The following EDIL3 variants were observed in gnomAD, a reference collection of about 807,000 sequenced individuals.
The protein encoded by EDIL3 is EGF like and discoidin domains 3.
EDIL3 carries 37 observed loss-of-function variants against 67.4 expected under a neutral mutation model. The observed-to-expected ratio is 0.55, with a 90% CI of 0.42 to 0.72. The LOEUF is 0.72. Among genes scored for constraint, EDIL3 ranks in the 30% least tolerant of loss-of-function variants. The pLI is 0.00. For synonymous variants in EDIL3, 195 were observed against 196.3 expected (o/e 0.99, Z 0.05); for missense variants, 527 against 586.3 (o/e 0.90, Z 1.04).
chr5:84,374,968 CT>C (rs58157149), intron 1 of EDIL3, among the ~76,000 whole-genome samples: 377 of 141,662 alleles, frequency 2.7e-3, no homozygotes, highest in African/African-American at 5.1e-3. Flanking sequence ...TCGGGTATTT[CT>C]TTTTTTTTTT....
intron 3 of EDIL3, among the ~76,000 whole-genome samples, chr5:84,217,606 C>T (rs1378553685): frequency 6.6e-6 from 1 of 151,916 alleles, no homozygotes; most frequent in Non-Finnish European, 1.5e-5. Flanking sequence ...CACAGAAATC[C>T]TCCCTGAATT....
At chr5:84,287,864 C>T (rs1745840097) in intron 1 of EDIL3, among the ~76,000 whole-genome samples, 1 of 152,014 alleles carries the variant, frequency 6.6e-6, no homozygotes. Flanking sequence ...CTCTCTAACT[C>T]TTAATTTTAG....
At chr5:84,328,980 T>C (rs2112163570) in intron 1 of EDIL3, among the ~76,000 whole-genome samples, 3 of 152,208 alleles carry the variant, frequency 2.0e-5, no homozygotes, top group Admixed American at 2.0e-4. Context: ...TTACCAAGGC[T>C]GAAAAGCAGC....
chr5:84,309,668 T>G (rs1746346146), intron 1 of EDIL3, among the ~76,000 whole-genome samples: 1 of 152,176 alleles, frequency 6.6e-6, no homozygotes, highest in African/African-American at 2.4e-5. Flanking sequence ...ACAAAGGACA[T>G]GAACTCATCA....
At chr5:84,175,210 C>T (rs1748881909) in intron 4 of EDIL3, among the ~76,000 whole-genome samples, 1 of 151,982 alleles carries the variant, frequency 6.6e-6, no homozygotes. Context: ...CAATCCAACA[C>T]AACAAAAAGC....
intron 8 of EDIL3, among the ~76,000 whole-genome samples, chr5:84,060,867 T>C (rs1191280521): frequency 6.6e-6 from 1 of 152,190 alleles, no homozygotes; most frequent in Admixed American, 6.5e-5. Flanking sequence ...AAATGGGACA[T>C]TTTCTCACAA....
At chr5:84,306,717 G>C (rs1428697454) in intron 1 of EDIL3, among the ~76,000 whole-genome samples, 1 of 152,154 alleles carries the variant, frequency 6.6e-6, no homozygotes, top group African/African-American at 2.4e-5. Context: ...AAAACTTTTA[G>C]AGTTGTAAAG....
intron 6 of EDIL3, among the ~76,000 whole-genome samples, chr5:84,082,176 C>T (rs1343324154): frequency 6.6e-6 from 1 of 152,146 alleles, no homozygotes; most frequent in Non-Finnish European, 1.5e-5. Flanking sequence ...GAACAGTTTC[C>T]AAGTTTTGCT....
At chr5:84,035,185 C>G (rs1042124784) in intron 9 of EDIL3, among the ~76,000 whole-genome samples, 3 of 151,830 alleles carry the variant, frequency 2.0e-5, no homozygotes, top group African/African-American at 7.3e-5. Context: ...ATGAATAAAG[C>G]TTTTTATTCT....
chr5:84,196,487 G>A (rs1277950280), intron 3 of EDIL3, among the ~76,000 whole-genome samples: 1 of 151,992 alleles, frequency 6.6e-6, no homozygotes, highest in Non-Finnish European at 1.5e-5. Context: ...AACATAGCAT[G>A]TAATTTATTT....
rs930270113 is a variant in EDIL3, at chr5:84,033,693, G to A, written c.1137+26607C>T. 1.1e-3 allele frequency among the ~76,000 whole-genome samples: 124 copies of A among 111,450 alleles called. 1 individual carries two copies. Among genetic ancestry groups the A allele is most frequent in the African/African-American group, 4.3e-3 (118 of 27,744 alleles). 73.1% of individuals were successfully genotyped at this position (111,450 alleles called of 152,430 possible). The stretch of plus-strand genomic sequence containing the variant: ...TACTCCAACCTGGGCGACAGAGCCA[G>A]ACATTGTCTCTAAAAAAAAAAAAAA... On this transcript the variant is annotated intron_variant, in intron 9 of 10. Transcript: ENST00000296591.
chr5:84,319,159 G>A (rs1038840402), intron 1 of EDIL3, among the ~76,000 whole-genome samples: 1 of 150,212 alleles, frequency 6.7e-6, no homozygotes, highest in African/African-American at 2.5e-5. Flanking sequence ...AACAACAGAT[G>A]CTGCAGAGGA....
At chr5:84,333,937 A>G (rs1668176114) in intron 1 of EDIL3, among the ~76,000 whole-genome samples, 2 of 152,140 alleles carry the variant, frequency 1.3e-5, no homozygotes, top group African/African-American at 4.8e-5. Context: ...AAAAAGTGCA[A>G]TAATTGTACA....
intron 10 of EDIL3, among the ~76,000 whole-genome samples, chr5:83,950,964 A>G (rs901594591): frequency 6.6e-6 from 1 of 151,730 alleles, no homozygotes; most frequent in African/African-American, 2.4e-5. Context: ...TATTAATTTT[A>G]TCTATGTTCT....
At chr5:84,370,750 A>G (rs1049298731) in intron 1 of EDIL3, among the ~76,000 whole-genome samples, 2 of 152,188 alleles carry the variant, frequency 1.3e-5, no homozygotes, top group Admixed American at 1.3e-4. Flanking sequence ...GTTTGCCACT[A>G]CTAAAGTATT....
intron 9 of EDIL3, among the ~76,000 whole-genome samples, chr5:83,980,201 T>C (rs949377885): frequency 5.3e-5 from 8 of 152,050 alleles, no homozygotes; most frequent in African/African-American, 1.7e-4. Context: ...GTCCTGAGAT[T>C]GTACCATCTA....
chr5:84,129,485 G>A (rs1487034162), intron 5 of EDIL3, among the ~76,000 whole-genome samples: 3 of 151,824 alleles, frequency 2.0e-5, no homozygotes, highest in Non-Finnish European at 4.4e-5. Flanking sequence ...TATTTTTAAT[G>A]TTCACAAAAG....
intron 2 of EDIL3, among the ~76,000 whole-genome samples, chr5:84,238,917 A>T (rs879646720): frequency 6.6e-6 from 1 of 152,036 alleles, no homozygotes; most frequent in Admixed American, 6.6e-5. Context: ...CCCACACCAC[A>T]TTTTTCTAAT....
intron 6 of EDIL3, among the ~76,000 whole-genome samples, chr5:84,069,359 G>A (rs888939228): frequency 1.3e-5 from 2 of 151,878 alleles, no homozygotes; most frequent in Admixed American, 6.6e-5. Flanking sequence ...GGACTAATGG[G>A]GGTTTCAGTC....
Sources: allele counts gnomAD v4.1 joint callset (sites outside exome capture counted in the v4.1 genomes callset), GRCh38; gene constraint gnomAD v4.1.1; transcripts MANE v1.5; gene names NCBI Gene and HGNC (gene_info 2026-07-23, HGNC 2026-07-21).